Variants in PPARGC1A observed in about 807,000 individuals in gnomAD.
The protein encoded by PPARGC1A is PPARG coactivator 1 alpha, also known as peroxisome proliferator-activated receptor gamma coactivator 1-alpha.
PPARGC1A carries 25 observed loss-of-function variants against 88.7 expected under a neutral mutation model. That is an observed-to-expected ratio of 0.28 (90% CI 0.21 to 0.39). The LOEUF is 0.39. Among genes scored for constraint, PPARGC1A ranks in the 10% least tolerant of loss-of-function variants. The pLI is 1.00. For missense variants in PPARGC1A, 880 were observed against 968.7 expected, an observed-to-expected ratio of 0.91 and a Z score of 1.22; for synonymous variants, 363 against 355.6, an observed-to-expected ratio of 1.02 and a Z score of -0.24.
the PPARGC1A span, among the ~76,000 whole-genome samples, chr4:24,411,361 T>A: frequency 6.6e-6 from 1 of 152,218 alleles, no homozygotes; most frequent in East Asian, 1.9e-4. Context: ...CAATAGGTTT[T>A]ATAATTTTAG....
At chr4:24,462,747 T>A in the PPARGC1A span, among the ~76,000 whole-genome samples, 1 of 150,546 alleles carries the variant, frequency 6.6e-6, no homozygotes, top group Non-Finnish European at 1.5e-5. Context: ...GAGAATCTAG[T>A]ATGGACCGGG....
the PPARGC1A span, chr4:24,091,649 A>C: frequency 1.0e-6 from 1 of 985,190 alleles, no homozygotes; most frequent in Non-Finnish European, 1.2e-6. Context: ...TCATGGAGAA[A>C]ATGCCATGCC....
the PPARGC1A span, among the ~76,000 whole-genome samples, chr4:24,204,217 CAAAAGGGG>C: frequency 6.6e-6 from 1 of 152,244 alleles, no homozygotes; most frequent in Non-Finnish European, 1.5e-5. Context: ...TACAAGGAGC[CAAAAGGGG>C]CTTTTCTGCT....
At chr4:24,261,345 TG>T in the PPARGC1A span, among the ~76,000 whole-genome samples, 559 of 152,282 alleles carry the variant, frequency 3.7e-3, 4 homozygotes, top group African/African-American at 0.013. Context: ...TCAGAGCCTC[TG>T]ACCTCTCCAG....
At chr4:23,833,493 G>A (rs1177319271) in intron 2 of PPARGC1A, among the ~76,000 whole-genome samples, 1 of 152,154 alleles carries the variant, frequency 6.6e-6, no homozygotes, top group Non-Finnish European at 1.5e-5. Flanking sequence ...AATGCACCTA[G>A]CTGCTGACAT....
the PPARGC1A span, among the ~76,000 whole-genome samples, chr4:24,186,376 A>G: frequency 6.6e-6 from 1 of 152,166 alleles, no homozygotes; most frequent in Non-Finnish European, 1.5e-5. Flanking sequence ...TGTGCCTCCC[A>G]TGAGTCAGGA....
At chr4:23,981,252 A>G in the PPARGC1A span, among the ~76,000 whole-genome samples, 3 of 152,066 alleles carry the variant, frequency 2.0e-5, no homozygotes, top group African/African-American at 7.2e-5. Flanking sequence ...AATATATACT[A>G]TATACATTAT....
In PPARGC1A at chr4:23,852,027, A is replaced by G. The variant is rs113826344; in HGVS notation, c.235-20276T>C. ...TCCACAACCAAGAGTTTCAGAAGCC[A>G]GGTTCTAGTTTTCTCCATCAATTCA... On this transcript the variant is annotated intron_variant, in intron 2 of 12. Transcript: ENST00000264867. 3.0e-4 allele frequency among the ~76,000 whole-genome samples: 46 copies of G among 152,304 alleles called. 1 individual carries two copies. The highest frequency in any genetic ancestry group is 1.0e-3 in the African/African-American group (42 of 41,568).
At chr4:24,105,670 A>G in the PPARGC1A span, among the ~76,000 whole-genome samples, 1 of 152,184 alleles carries the variant, frequency 6.6e-6, no homozygotes. Flanking sequence ...GTGTTTGTGT[A>G]GAGCCTAAGA....
chr4:24,118,801 G>T, the PPARGC1A span, among the ~76,000 whole-genome samples: 1 of 151,976 alleles, frequency 6.6e-6, no homozygotes, highest in African/African-American at 2.4e-5. Flanking sequence ...CTCTGAAATG[G>T]TTTTTTTCCA....
At chr4:24,073,778 G>C in the PPARGC1A span, among the ~76,000 whole-genome samples, 2 of 152,176 alleles carry the variant, frequency 1.3e-5, no homozygotes, top group African/African-American at 2.4e-5. Context: ...GTAGAACCAG[G>C]ATTTGGACCT....
intron 7 of PPARGC1A, among the ~76,000 whole-genome samples, chr4:23,816,104 T>C (rs1238556442): frequency 6.6e-6 from 1 of 152,202 alleles, no homozygotes; most frequent in Non-Finnish European, 1.5e-5. Flanking sequence ...TAATTCTCCC[T>C]GAGAGAAGAA....
At chr4:23,904,622 C>A (rs1022530685), upstream of PPARGC1A, among the ~76,000 whole-genome samples, 1 of 152,154 alleles carries the variant, frequency 6.6e-6, no homozygotes, top group Non-Finnish European at 1.5e-5. Context: ...TGGATTATTT[C>A]ACCCTTTGTC....
At chr4:24,060,956 A>G in the PPARGC1A span, among the ~76,000 whole-genome samples, 1 of 152,162 alleles carries the variant, frequency 6.6e-6, no homozygotes, top group African/African-American at 2.4e-5. Flanking sequence ...AAAGGCACCC[A>G]CCACATATCA....
the PPARGC1A span, among the ~76,000 whole-genome samples, chr4:24,310,706 A>G: frequency 6.6e-6 from 1 of 152,234 alleles, no homozygotes; most frequent in East Asian, 1.9e-4. Flanking sequence ...ATTGCCTACT[A>G]AAACAAACAA....
the PPARGC1A span, among the ~76,000 whole-genome samples, chr4:24,034,590 T>C: frequency 0.015 from 2,325 of 152,172 alleles, 61 homozygotes; most frequent in African/African-American, 0.053. Context: ...GAGAGGGAAG[T>C]AGATTGTGGT....
At chr4:24,092,941 T>G in the PPARGC1A span, among the ~76,000 whole-genome samples, 1 of 152,240 alleles carries the variant, frequency 6.6e-6, no homozygotes, top group Non-Finnish European at 1.5e-5. Context: ...GATCTATTAT[T>G]GCACACACAG....
the PPARGC1A span, among the ~76,000 whole-genome samples, chr4:24,118,158 A>G: frequency 1.3e-5 from 2 of 152,208 alleles, no homozygotes; most frequent in Non-Finnish European, 2.9e-5. Flanking sequence ...CACATAAACC[A>G]TTAGCATCCC....
chr4:24,058,859 C>A, the PPARGC1A span, among the ~76,000 whole-genome samples: 1 of 152,138 alleles, frequency 6.6e-6, no homozygotes, highest in Non-Finnish European at 1.5e-5. Flanking sequence ...GCAGGAGAAT[C>A]GCTTGAACCC....
Sources: allele counts gnomAD v4.1 joint callset (sites outside exome capture counted in the v4.1 genomes callset), GRCh38; gene constraint gnomAD v4.1.1; transcripts MANE v1.5; gene names NCBI Gene and HGNC (gene_info 2026-07-23, HGNC 2026-07-21).